ERVMER34-1: variants seen among roughly 807,000 people sequenced by gnomAD.
ERVMER34-1 encodes endogenous retrovirus group MER34 member 1, envelope.
For missense variants in ERVMER34-1, 471 were observed against 295.1 expected, an observed-to-expected ratio of 1.60 and a Z score of -4.37; for synonymous variants, 199 against 111.7, an observed-to-expected ratio of 1.78 and a Z score of -4.93.
Position 52,745,894 on chromosome 4 carries a change from A to T in ERVMER34-1, c.-374T>A. The T allele has an allele frequency of 5.4e-6, 1 of 184,370 alleles. No homozygotes were observed. The highest frequency in any genetic ancestry group is 1.1e-5 in the Non-Finnish European group (1 of 88,376). 11.4% of individuals were successfully genotyped at this position (184,370 alleles called of 1,614,324 possible). A position where few individuals can be genotyped will look rare whatever the true frequency, so the allele number is the denominator to read the frequency against. On this transcript the variant is annotated 5_prime_UTR_variant, in exon 3 of 3. Transcript: ENST00000443173. ...CATAAGGTCTCTTCTTTTTCCAGGGAGGTTACAACACATCTTTTCTTCTAA... is the reference window on the plus strand; with the variant it reads ...CATAAGGTCTCTTCTTTTTCCAGGGTGGTTACAACACATCTTTTCTTCTAA...
chr4:52,742,637 G>A lies in ERVMER34-1; in HGVS notation c.*1192C>T, dbSNP rs1184077129. On this transcript the variant is annotated 3_prime_UTR_variant, in exon 3 of 3. Transcript: ENST00000443173. ...TTTTAAAATAAAAAGTAACATACGA[G>A]GCTGGGTGCAGTGGCTCACACCTAT... is the stretch of plus-strand genomic sequence containing the variant. The A allele has an allele frequency of 1.3e-5, 2 of 151,982 alleles. No homozygotes were observed. Among genetic ancestry groups the A allele is most frequent in the Non-Finnish European group, 2.9e-5 (2 of 68,030 alleles). 9.4% of individuals were successfully genotyped at this position (151,982 alleles called of 1,614,324 possible). A position where few individuals can be genotyped will look rare whatever the true frequency, so the allele number is the denominator to read the frequency against.
intron 2 of ERVMER34-1, among the ~76,000 whole-genome samples, chr4:52,750,199 A>G (rs1285337878): frequency 6.6e-6 from 1 of 151,964 alleles, no homozygotes; most frequent in Non-Finnish European, 1.5e-5. Context: ...GGGTTTCACC[A>G]TGTTGGCCAG....
chr4:52,747,368 A>G (rs1716179882), intron 2 of ERVMER34-1, among the ~76,000 whole-genome samples: 1 of 152,144 alleles, frequency 6.6e-6, no homozygotes, highest in African/African-American at 2.4e-5. Flanking sequence ...ATCAATCCAG[A>G]GCCATACCTC....
chr4:52,744,215 CCGTTTGT>C lies in ERVMER34-1; in HGVS notation c.1299_1305del (p.Gln434LeufsTer13), dbSNP rs2109413148. 1.4e-6 allele frequency: 1 copy of C among 704,068 alleles called. No individual in the cohort carries two copies. The highest frequency in any genetic ancestry group is 2.6e-6 in the Non-Finnish European group (1 of 384,994). The allele number at this position is 704,068 out of a possible 1,614,324, so 43.6% of individuals were successfully genotyped here. A position where few individuals can be genotyped will look rare whatever the true frequency, so the allele number is the denominator to read the frequency against. ...CACTGTTTGCCAACAGTTCCACAAG[CCGTTTGT>C]CGTTGGGTGGTCGGTATATCCAAGA... On this transcript the variant is annotated frameshift_variant, in exon 3 of 3. Coordinates refer to ENST00000443173, the MANE Select transcript of ERVMER34-1 (RefSeq NM_001242690.2). LOFTEE classifies it low-confidence loss of function (END_TRUNC).
Position 52,744,508 on chromosome 4 carries a change from G to T in ERVMER34-1, c.1013C>A (p.Thr338Lys). The change falls in exon 3 of 3, where the codon ACA becomes AAA. Residue 338 changes from threonine to lysine, a missense_variant. By Grantham distance (78) the Thr-to-Lys change is moderately conservative (BLOSUM62 -1). Transcript: ENST00000443173. ...RYLTLNASQITNLRSFIHKVT... is the reference protein window; with the variant it reads ...RYLTLNASQIKNLRSFIHKVT... ...TTTATGAATGAAGGATCTCAGGTTTGTAATTTGGCTAGCATTTAAGGTGAG... is the reference window on the plus strand; with the variant it reads ...TTTATGAATGAAGGATCTCAGGTTTTTAATTTGGCTAGCATTTAAGGTGAG... 1.4e-6 allele frequency: 1 copy of T among 704,108 alleles called. No homozygotes were observed. The highest frequency in any genetic ancestry group is 1.7e-5 in the African/African-American group (1 of 57,358). The allele number at this position is 704,108 out of a possible 1,614,324, so 43.6% of individuals were successfully genotyped here.
In ERVMER34-1 at chr4:52,744,727, G is replaced by C. The variant is rs553326506; in HGVS notation, c.794C>G (p.Ala265Gly). 5.7e-4 allele frequency: 399 copies of C among 704,120 alleles called. 6 individuals carry two copies. Among genetic ancestry groups the C allele is most frequent in the Middle Eastern group, 3.4e-3 (15 of 4,370 alleles). The allele number at this position is 704,120 out of a possible 1,614,324, so 43.6% of individuals were successfully genotyped here. A position where few individuals can be genotyped will look rare whatever the true frequency, so the allele number is the denominator to read the frequency against. Residue 265 changes from alanine (A) to glycine (G), a missense_variant, in exon 3 of 3, where the codon GCC (alanine) becomes GGC (glycine). Ala to Gly is a moderately conservative substitution (Grantham distance 60). Transcript: ENST00000443173. ...ATGACCTTTGTCATTAGTTATGCTG[G>C]CATCTGCACATCTCCATTTCCCATG... ...EAHGKWRCADASITNDKGHDG... is the reference protein window; with the variant it reads ...EAHGKWRCADGSITNDKGHDG...
intron 2 of ERVMER34-1, among the ~76,000 whole-genome samples, chr4:52,748,769 G>A (rs188226414): frequency 4.4e-4 from 67 of 152,282 alleles, no homozygotes; most frequent in African/African-American, 1.3e-3. Context: ...AAGCCTTTCC[G>A]TGTATATTGC....
Position 52,743,811 on chromosome 4 carries a change from C to G in ERVMER34-1, c.*18G>C, listed in dbSNP as rs1226103471. Reference sequence around the variant, plus strand: ...AGCTAAGGCTTTTTGTCTGCAGCTGCTGTTTGTTCAGATATTCTCAAAGTA... The same window carrying G: ...AGCTAAGGCTTTTTGTCTGCAGCTGGTGTTTGTTCAGATATTCTCAAAGTA... On this transcript the variant is annotated 3_prime_UTR_variant, in exon 3 of 3. Coordinates refer to ENST00000443173, the MANE Select transcript of ERVMER34-1 (RefSeq NM_001242690.2). The G allele has an allele frequency of 1.4e-5, 21 of 1,457,796 alleles. No individual in the cohort carries two copies. The highest frequency in any genetic ancestry group is 9.0e-7 in the Non-Finnish European group (1 of 1,111,324). 90.3% of individuals were successfully genotyped at this position (1,457,796 alleles called of 1,614,324 possible).
At position 52,743,567 on chromosome 4, in the gene ERVMER34-1, A is replaced by G. The variant is rs914663257; in HGVS notation, c.*262T>C. The G allele has an allele frequency of 5.3e-6, 2 of 377,332 alleles. No individual in the cohort carries two copies. The highest frequency in any genetic ancestry group is 4.1e-5 in the Admixed American group (1 of 24,166). 23.4% of individuals were successfully genotyped at this position (377,332 alleles called of 1,614,324 possible). Reference sequence around the variant, plus strand: ...TATTATATATGCATGCAAGAACACTACAAAGAGTAGCTCTCTGAACAGCAA... The same window carrying G: ...TATTATATATGCATGCAAGAACACTGCAAAGAGTAGCTCTCTGAACAGCAA... On this transcript the variant is annotated 3_prime_UTR_variant, in exon 3 of 3. Transcript: ENST00000443173.
rs1369719322 is a variant in ERVMER34-1, at chr4:52,743,866, C to A, written c.1655G>T (p.Gly552Val). Residue 552 changes from glycine (G) to valine (V), a missense_variant, in exon 3 of 3, where the codon GGA becomes GTA. Coordinates refer to ENST00000443173, the MANE Select transcript of ERVMER34-1 (RefSeq NM_001242690.2). ...SCQVSNRAMK[G>V]LTTHQYDTSL... ...TGTGTCATATTGATGGGTTGTTAGTCCCTTCATTGCCCTATTTGAAACTTG... is the reference window on the plus strand; with the variant it reads ...TGTGTCATATTGATGGGTTGTTAGTACCTTCATTGCCCTATTTGAAACTTG... The A allele has an allele frequency of 9.9e-6, 15 of 1,520,414 alleles. No homozygotes were observed. In the South Asian group the frequency reaches 1.8e-4, roughly 19 times the overall value. The allele number at this position is 1,520,414 out of a possible 1,614,324, so 94.2% of individuals were successfully genotyped here.
Position 52,742,910 on chromosome 4 carries a change from C to G in ERVMER34-1, c.*919G>C, listed in dbSNP as rs1716052628. The G allele has an allele frequency of 7.0e-6, 1 of 143,122 alleles. No homozygotes were observed. The highest frequency in any genetic ancestry group is 1.5e-5 in the Non-Finnish European group (1 of 65,828). The allele number at this position is 143,122 out of a possible 1,614,324, so 8.9% of individuals were successfully genotyped here. The stretch of plus-strand genomic sequence containing the variant: ...CCAGCCTGGGTGAAAGGGCCAGACT[C>G]TGCCTCAAAAAAAAAAAAAAAAGAG... On this transcript the variant is annotated 3_prime_UTR_variant, in exon 3 of 3. Coordinates refer to ENST00000443173, the MANE Select transcript of ERVMER34-1 (RefSeq NM_001242690.2).
rs1278746570 is a variant in ERVMER34-1, at chr4:52,751,084, C to A, written c.-563-15G>T. 8.5e-5 allele frequency: 13 copies of A among 152,296 alleles called. No individual in the cohort carries two copies. Among genetic ancestry groups the A allele is most frequent in the Admixed American group, 8.5e-4 (13 of 15,286 alleles). 9.4% of individuals were successfully genotyped at this position (152,296 alleles called of 1,614,324 possible). On this transcript the variant is annotated splice_polypyrimidine_tract_variant and intron_variant, in intron 1 of 2. Coordinates refer to ENST00000443173, the MANE Select transcript of ERVMER34-1 (RefSeq NM_001242690.2). ...GCGTGTCTGCCCTAGGGAGGCAAAG[C>A]GCAAACTTGTTACCGCGCCGGGACC...
chr4:52,742,568 GT>G lies in ERVMER34-1; in HGVS notation c.*1260del, dbSNP rs1716044565. 1 of 152,006 alleles carries G rather than the reference GT, an allele frequency of 6.6e-6. No homozygotes were observed. The highest frequency in any genetic ancestry group is 1.9e-4 in the East Asian group (1 of 5,186). The allele number at this position is 152,006 out of a possible 1,614,324, so 9.4% of individuals were successfully genotyped here. A position where few individuals can be genotyped will look rare whatever the true frequency, so the allele number is the denominator to read the frequency against. On this transcript the variant is annotated 3_prime_UTR_variant, in exon 3 of 3. Coordinates refer to ENST00000443173, the MANE Select transcript of ERVMER34-1 (RefSeq NM_001242690.2). ...CTTTCAATTGTGAATGGCTTTTCCT[GT>G]TTTATTTGCAAATACATACACATAT...
intron 2 of ERVMER34-1, 125 bp from the exon 3 acceptor site, chr4:52,746,068 T>C (rs6825736): frequency 0.96 from 147,880 of 153,332 alleles, 71,548 homozygotes; most frequent in East Asian, 1. Flanking sequence ...ACTGAAGTCC[T>C]CACAATGCAC....
At chr4:52,750,866 C>T (rs755277275) in intron 2 of ERVMER34-1, 64 bp downstream of exon 2, 2 of 152,386 alleles carry the variant, frequency 1.3e-5, no homozygotes, top group Non-Finnish European at 2.9e-5. Flanking sequence ...CAGGAACCCT[C>T]CGGTCCCACT....
rs985113271 is a variant in ERVMER34-1 at position 52,744,689 on chromosome 4, T to C, written c.832A>G (p.Thr278Ala). 8 of 703,844 alleles carry C rather than the reference T, an allele frequency of 1.1e-5. No homozygotes were observed. The Admixed American group carries it at 1.6e-4, about 14-fold the overall frequency. The allele number at this position is 703,844 out of a possible 1,614,324, so 43.6% of individuals were successfully genotyped here. A position where few individuals can be genotyped will look rare whatever the true frequency, so the allele number is the denominator to read the frequency against. Residue 278 changes from threonine (T) to alanine (A), a missense_variant, in exon 3 of 3, where the codon ACC becomes GCC. Thr to Ala is a moderately conservative substitution (Grantham distance 58). Coordinates refer to ENST00000443173, the MANE Select transcript of ERVMER34-1 (RefSeq NM_001242690.2). ...GAACCTGTGAGCCACCAGGTGGGGG[T>C]CCGGTGTCCATCATGACCTTTGTCA... ...TNDKGHDGHRTPTWWLTGSNL... is the reference protein window; with the variant it reads ...TNDKGHDGHRAPTWWLTGSNL...
Position 52,744,860 on chromosome 4 carries a change from T to G in ERVMER34-1, c.661A>C (p.Thr221Pro). 1.4e-6 allele frequency: 1 copy of G among 704,130 alleles called. No homozygotes were observed. The highest frequency in any genetic ancestry group is 2.7e-5 in the East Asian group (1 of 37,290). 43.6% of individuals were successfully genotyped at this position (704,130 alleles called of 1,614,324 possible). A position where few individuals can be genotyped will look rare whatever the true frequency, so the allele number is the denominator to read the frequency against. The change falls in exon 3 of 3, where the codon ACC (threonine) becomes CCC (proline). Residue 221 changes from threonine (T) to proline (P), a missense_variant. Thr to Pro is a conservative substitution (Grantham distance 38). Coordinates refer to ENST00000443173, the MANE Select transcript of ERVMER34-1 (RefSeq NM_001242690.2). ...YKWVDRNSGL[T>P]WSGNDTCLYS... Reference sequence around the variant, plus strand: ...AGACAGGTGTCATTACCTGACCAGGTCAATCCAGAATTTCGATCTACCCAT... The same window carrying G: ...AGACAGGTGTCATTACCTGACCAGGGCAATCCAGAATTTCGATCTACCCAT...
Position 52,744,974 on chromosome 4 carries a change from G to T in ERVMER34-1, c.547C>A (p.Gln183Lys), listed in dbSNP as rs540495167. ...GTGCAACCTGCAAACCAGGAACATT[G>T]TCTAGTGCCTAGGCAAACACTTGTA... ...DDTSVCLGTR[Q>K]CSWFAGCTNR... Residue 183 changes from glutamine (Q) to lysine (K), a missense_variant, in exon 3 of 3, where the codon CAA becomes AAA. Coordinates refer to ENST00000443173, the MANE Select transcript of ERVMER34-1 (RefSeq NM_001242690.2). 1.1e-5 allele frequency: 8 copies of T among 704,156 alleles called. No homozygotes were observed. The highest frequency in any genetic ancestry group is 2.0e-5 in the Admixed American group (1 of 50,016). The allele number at this position is 704,156 out of a possible 1,614,324, so 43.6% of individuals were successfully genotyped here. A position where few individuals can be genotyped will look rare whatever the true frequency, so the allele number is the denominator to read the frequency against.
In ERVMER34-1 at chr4:52,744,232, G is replaced by T. The variant is rs1326726229; in HGVS notation, c.1289C>A (p.Thr430Asn). ...SRKDHVLDIP[T>N]TQRQTACGTV... Reference sequence around the variant, plus strand: ...TCCACAAGCCGTTTGTCGTTGGGTGGTCGGTATATCCAAGACATGATCCTT... The same window carrying T: ...TCCACAAGCCGTTTGTCGTTGGGTGTTCGGTATATCCAAGACATGATCCTT... Residue 430 changes from threonine to asparagine, a missense_variant, in exon 3 of 3, where the codon ACC (threonine) becomes AAC (asparagine). Thr to Asn is a moderately conservative substitution (Grantham distance 65, BLOSUM62 0). Coordinates refer to ENST00000443173, the MANE Select transcript of ERVMER34-1 (RefSeq NM_001242690.2). 1.4e-6 allele frequency: 1 copy of T among 704,014 alleles called. No individual in the cohort carries two copies. The highest frequency in any genetic ancestry group is 2.6e-6 in the Non-Finnish European group (1 of 385,022). 43.6% of individuals were successfully genotyped at this position (704,014 alleles called of 1,614,324 possible).
Sources: gnomAD v4.1 joint callset for allele counts (sites outside exome capture counted in the v4.1 genomes callset) on GRCh38, gnomAD v4.1.1 for gene constraint, MANE v1.5 for transcripts, NCBI Gene and HGNC (gene_info 2026-07-23, HGNC 2026-07-21) for gene names.